PARD3: variants seen among roughly 807,000 people sequenced by gnomAD.
PARD3 encodes partitioning defective 3 homolog.
PARD3 carries 75 observed loss-of-function variants against 155.4 expected under a neutral mutation model. The observed-to-expected ratio is 0.48, with a 90% CI of 0.40 to 0.58. The LOEUF is 0.58. Ranked by LOEUF, PARD3 falls within the 20% of genes least tolerant of loss-of-function variation. The probability of loss-of-function intolerance (pLI) is 0.00; values close to 1 mark genes in which losing one functional copy is unlikely to be tolerated. For missense variants in PARD3, 1,642 were observed against 1,721.7 expected, an observed-to-expected ratio of 0.95 and a Z score of 0.82; for synonymous variants, 576 against 610.5, an observed-to-expected ratio of 0.94 and a Z score of 0.83.
At chr10:34,136,605 C>G (rs1947911740) in intron 22 of PARD3, among the ~76,000 whole-genome samples, 1 of 151,960 alleles carries the variant, frequency 6.6e-6, no homozygotes, top group Admixed American at 6.6e-5. Flanking sequence ...GTGGCAGGCT[C>G]TCCACATTGT....
chr10:34,445,795 A>C (rs1223450493), intron 5 of PARD3, among the ~76,000 whole-genome samples: 1 of 152,068 alleles, frequency 6.6e-6, no homozygotes, highest in African/African-American at 2.4e-5. Context: ...TTTAAAAAAA[A>C]AAAAAGTCCT....
intron 14 of PARD3, among the ~76,000 whole-genome samples, chr10:34,352,488 G>C (rs1214752296): frequency 6.6e-6 from 1 of 152,236 alleles, no homozygotes; most frequent in African/African-American, 2.4e-5. Context: ...TGGGATTGCA[G>C]GCACGCGCCG....
rs1249201660 is a variant in PARD3 at position 34,770,776 on chromosome 10, ATCAC to A, written c.120+44096_120+44099del. Among the ~76,000 whole-genome samples the A allele has an allele frequency of 4.6e-5, 7 of 152,338 alleles. No individual in the cohort carries two copies. In the South Asian group the frequency reaches 1.5e-3, roughly 32 times the overall value. On this transcript the variant is annotated intron_variant, in intron 1 of 24. Coordinates refer to ENST00000374788, the MANE Select transcript of PARD3 (RefSeq NM_001184785.2). ...TCTTAAGTTCCAGTTTCCTAGGGGT[ATCAC>A]CTGCAATGATGTAGAGATTCCAAGA...
chr10:34,386,791 C>T (rs1439234045), intron 7 of PARD3, among the ~76,000 whole-genome samples: 1 of 147,116 alleles, frequency 6.8e-6, no homozygotes, highest in Non-Finnish European at 1.5e-5. Flanking sequence ...CACTGCACTC[C>T]AGCCTGGGCA....
At chr10:34,533,440 A>G (rs1035271713) in intron 2 of PARD3, among the ~76,000 whole-genome samples, 1 of 152,208 alleles carries the variant, frequency 6.6e-6, no homozygotes, top group Non-Finnish European at 1.5e-5. Flanking sequence ...AAAGTTGAAA[A>G]TATTTTTTTA....
At chr10:34,522,327 C>A (rs1239928721) in intron 2 of PARD3, among the ~76,000 whole-genome samples, 1 of 152,068 alleles carries the variant, frequency 6.6e-6, no homozygotes, top group African/African-American at 2.4e-5. Context: ...TCCCCTAGAG[C>A]CTCGAGAAAG....
In PARD3 at chr10:34,269,649, G is replaced by A. The variant is rs200780005; in HGVS notation, c.3419+8C>T. On this transcript the variant is annotated splice_region_variant and intron_variant, in intron 22 of 24. Coordinates refer to ENST00000374788, the MANE Select transcript of PARD3 (RefSeq NM_001184785.2). ...GGAAGCAATACCACGATTGCCCCTG[G>A]CGCCTACCTGTCTACAGGTGAGGGT... 3.3e-4 allele frequency: 533 copies of A among 1,612,784 alleles called. 3 individuals are homozygous for A. In the South Asian group the frequency reaches 3.9e-3, roughly 12 times the overall value.
At chr10:34,293,887 T>C (rs1461755240) in intron 20 of PARD3, among the ~76,000 whole-genome samples, 1 of 152,186 alleles carries the variant, frequency 6.6e-6, no homozygotes, top group Non-Finnish European at 1.5e-5. Context: ...AGGCAAATAA[T>C]CATACCCTAC....
At chr10:34,770,096 T>C (rs938160870) in intron 1 of PARD3, among the ~76,000 whole-genome samples, 18 of 152,146 alleles carry the variant, frequency 1.2e-4, no homozygotes, top group Admixed American at 5.9e-4. Flanking sequence ...GGGACAGTCA[T>C]TTCCTAGCCT....
At chr10:34,173,518 T>C (rs1056383091) in intron 22 of PARD3, among the ~76,000 whole-genome samples, 2 of 152,228 alleles carry the variant, frequency 1.3e-5, no homozygotes, top group Non-Finnish European at 2.9e-5. Flanking sequence ...CCATTTTTCA[T>C]ATATGCAACT....
chr10:34,732,184 A>C (rs561193893), intron 1 of PARD3, among the ~76,000 whole-genome samples: 5 of 152,310 alleles, frequency 3.3e-5, no homozygotes, highest in Non-Finnish European at 5.9e-5. Context: ...AAAAAAAAAG[A>C]AACGCAATCT....
At chr10:34,727,826 A>G (rs934154464) in intron 1 of PARD3, among the ~76,000 whole-genome samples, 8 of 150,896 alleles carry the variant, frequency 5.3e-5, no homozygotes, top group Admixed American at 4.6e-4. Context: ...ACACACACAC[A>G]CACACACGCA....
intron 12 of PARD3, among the ~76,000 whole-genome samples, chr10:34,372,102 T>C (rs930212690): frequency 6.6e-6 from 1 of 152,182 alleles, no homozygotes; most frequent in Admixed American, 6.5e-5. Context: ...TTTTTTACTG[T>C]ATTCTCTTAG....
chr10:34,644,937 T>C (rs1444990239), intron 2 of PARD3, among the ~76,000 whole-genome samples: 1 of 152,176 alleles, frequency 6.6e-6, no homozygotes, highest in Non-Finnish European at 1.5e-5. Context: ...CACTTCAGCC[T>C]TGAACTCCTG....
Position 34,432,332 on chromosome 10 carries a change from G to GCACA in PARD3, c.714+17981_714+17984dup, listed in dbSNP as rs1284264665. Among the ~76,000 whole-genome samples, 28 of 70,912 alleles carry GCACA rather than the reference G, an allele frequency of 3.9e-4. No homozygotes were observed. The Admixed American group carries it at 4.6e-3, about 12-fold the overall frequency. 46.5% of individuals were successfully genotyped at this position (70,912 alleles called of 152,430 possible). ...TGTGAAAATAGAAAGATATACACGT[G>GCACA]CACATACACACACACACACACACAC... On this transcript the variant is annotated intron_variant, in intron 5 of 24. Coordinates refer to ENST00000374788, the MANE Select transcript of PARD3 (RefSeq NM_001184785.2).
intron 5 of PARD3, among the ~76,000 whole-genome samples, chr10:34,425,322 A>C (rs1339428468): frequency 4.6e-5 from 7 of 152,164 alleles, no homozygotes; most frequent in African/African-American, 1.7e-4. Context: ...ATACTTTCAC[A>C]ACCAGAACCC....
At chr10:34,779,927 C>T (rs1840053318) in intron 1 of PARD3, among the ~76,000 whole-genome samples, 1 of 152,160 alleles carries the variant, frequency 6.6e-6, no homozygotes, top group African/African-American at 2.4e-5. Context: ...TCTCTGAGTC[C>T]CTTCTAGCTG....
intron 2 of PARD3, among the ~76,000 whole-genome samples, chr10:34,575,693 C>T (rs1453879522): frequency 2.6e-5 from 4 of 152,060 alleles, no homozygotes; most frequent in East Asian, 1.9e-4. Context: ...GTCAGGAGTT[C>T]GAGACCAGCC....
chr10:34,175,988 C>T (rs1242071837), intron 22 of PARD3, among the ~76,000 whole-genome samples: 2 of 152,186 alleles, frequency 1.3e-5, no homozygotes, highest in African/African-American at 4.8e-5. Context: ...ATTCTTCACA[C>T]ACTGAGAACA....
Sources: gnomAD v4.1 joint callset for allele counts (sites outside exome capture counted in the v4.1 genomes callset) on GRCh38, gnomAD v4.1.1 for gene constraint, MANE v1.5 for transcripts, NCBI Gene and HGNC (gene_info 2026-07-23, HGNC 2026-07-21) for gene names.